SLC22A3: variants seen among roughly 807,000 people sequenced by gnomAD.
The protein encoded by SLC22A3 is solute carrier family 22 member 3, also known as EMT organic cation transporter 3.
In SLC22A3, 51 loss-of-function variants were observed where a neutral mutation model predicts 59.1. The observed-to-expected ratio is 0.86, with a 90% CI of 0.69 to 1.09. The LOEUF is 1.09. Among genes scored for constraint, SLC22A3 ranks in the 50% least tolerant of loss-of-function variants. The pLI is 0.00. For synonymous variants in SLC22A3, 325 were observed against 292.0 expected (o/e 1.11, Z -1.15); for missense variants, 711 against 726.3 (o/e 0.98, Z 0.24).
intron 2 of SLC22A3, among the ~76,000 whole-genome samples, chr6:160,401,058 A>G (rs1032372223): frequency 2.0e-5 from 3 of 151,574 alleles, no homozygotes; most frequent in Admixed American, 2.0e-4. Context: ...ATGTTCAATA[A>G]CTGTGGGACA....
At chr6:160,360,339 T>A (rs1784974263) in intron 1 of SLC22A3, among the ~76,000 whole-genome samples, 1 of 152,202 alleles carries the variant, frequency 6.6e-6, no homozygotes, top group East Asian at 1.9e-4. Context: ...GCTCCTGTAA[T>A]CCCAGCTACC....
Position 160,412,591 on chromosome 6 carries a change from T to C in SLC22A3, c.975+1745T>C, listed in dbSNP as rs184590145. Among the ~76,000 whole-genome samples, 735 of 152,350 alleles carry C rather than the reference T, an allele frequency of 4.8e-3. 8 individuals carry two copies. The highest frequency in any genetic ancestry group is 8.7e-3 in the Non-Finnish European group (589 of 68,028). The stretch of plus-strand genomic sequence containing the variant: ...TAAAATGTGTGGTAAAGATAAAGCA[T>C]GATCTTTTTAAACCACTATGATTAG... On this transcript the variant is annotated intron_variant, in intron 5 of 10. Transcript: ENST00000275300.
chr6:160,352,568 C>T (rs1040730862), intron 1 of SLC22A3, among the ~76,000 whole-genome samples: 1 of 152,178 alleles, frequency 6.6e-6, no homozygotes, highest in African/African-American at 2.4e-5. Flanking sequence ...TTCAGAACAC[C>T]TTTAAAAATA....
At chr6:160,428,615 T>C (rs1269155985) in intron 5 of SLC22A3, among the ~76,000 whole-genome samples, 1 of 152,230 alleles carries the variant, frequency 6.6e-6, no homozygotes, top group Non-Finnish European at 1.5e-5. Context: ...GTATTATAAA[T>C]TAATTTCCCC....
At position 160,443,216 on chromosome 6, in the gene SLC22A3, TTGAC is replaced by T. The variant is rs538992332; in HGVS notation, c.1397+350_1397+353del. ...CCTGCTGCAAGACTATGGCCTCTCT[TTGAC>T]TGCATTACATGCATTGCAGTGGTGA... On this transcript the variant is annotated intron_variant, in intron 8 of 10. Coordinates refer to ENST00000275300, the MANE Select transcript of SLC22A3 (RefSeq NM_021977.4). 2.0e-3 allele frequency among the ~76,000 whole-genome samples: 299 copies of T among 152,370 alleles called. 3 individuals carry two copies. The highest frequency in any genetic ancestry group is 3.4e-3 in the Non-Finnish European group (231 of 68,032).
At position 160,451,798 on chromosome 6, in the gene SLC22A3, C is replaced by T. The variant is rs868312923; in HGVS notation, c.*742C>T. On this transcript the variant is annotated 3_prime_UTR_variant, in exon 11 of 11. Coordinates refer to ENST00000275300, the MANE Select transcript of SLC22A3 (RefSeq NM_021977.4). ...GCTGTGGTTCTGAGATTATTTGGGA[C>T]ATTTTTGGCTCTCCTTTAGTGGACA... 1.3e-5 allele frequency: 2 copies of T among 152,220 alleles called. No individual in the cohort carries two copies. Among genetic ancestry groups the T allele is most frequent in the South Asian group, 4.1e-4 (2 of 4,834 alleles). 9.4% of individuals were successfully genotyped at this position (152,220 alleles called of 1,614,324 possible).
chr6:160,448,781 A>G (rs1364830984), intron 10 of SLC22A3, among the ~76,000 whole-genome samples: 1 of 152,194 alleles, frequency 6.6e-6, no homozygotes, highest in Non-Finnish European at 1.5e-5. Context: ...TGTGGACACA[A>G]ATGGGCTGGG....
At chr6:160,349,184 A>C in intron 1 of SLC22A3, 1 of 616,922 alleles carries the variant, frequency 1.6e-6, no homozygotes, top group Non-Finnish European at 2.0e-6. Context: ...CTTATCTTTG[A>C]GGTGTGCGGG....
intron 1 of SLC22A3, among the ~76,000 whole-genome samples, chr6:160,356,053 A>C (rs1450887841): frequency 2.6e-5 from 4 of 152,194 alleles, no homozygotes; most frequent in African/African-American, 4.8e-5. Context: ...ATGAAAGAGA[A>C]AGGGATTCCT....
chr6:160,445,298 C>T lies in SLC22A3; in HGVS notation c.1510+1556C>T, dbSNP rs561550892. ...TGGAAAGTTCAAAGCAAGAGGATGC[C>T]GCATCCTCAAGCACCTGGTGCTAGA... On this transcript the variant is annotated intron_variant, in intron 9 of 10. Transcript: ENST00000275300. Among the ~76,000 whole-genome samples the T allele has an allele frequency of 2.0e-3, 310 of 152,192 alleles. 2 individuals carry two copies. Among genetic ancestry groups the T allele is most frequent in the Non-Finnish European group, 3.7e-3 (251 of 68,002 alleles).
intron 1 of SLC22A3, among the ~76,000 whole-genome samples, chr6:160,387,132 C>T (rs1786052673): frequency 6.6e-6 from 1 of 152,240 alleles, no homozygotes; most frequent in Non-Finnish European, 1.5e-5. Context: ...TTGGTGGCAA[C>T]TGCCCGAGCA....
At chr6:160,353,647 C>T (rs1215176748) in intron 1 of SLC22A3, among the ~76,000 whole-genome samples, 2 of 151,738 alleles carry the variant, frequency 1.3e-5, no homozygotes, top group African/African-American at 4.8e-5. Context: ...TTCTCTGCAC[C>T]CATTTATTTT....
intron 1 of SLC22A3, among the ~76,000 whole-genome samples, chr6:160,374,008 G>A (rs1785498889): frequency 6.6e-6 from 1 of 152,166 alleles, no homozygotes; most frequent in African/African-American, 2.4e-5. Context: ...CCTTTCCAGG[G>A]GAGAGAACAG....
At chr6:160,385,280 C>T (rs960091246) in intron 1 of SLC22A3, among the ~76,000 whole-genome samples, 1 of 152,234 alleles carries the variant, frequency 6.6e-6, no homozygotes, top group Non-Finnish European at 1.5e-5. Flanking sequence ...AGCATCTTCT[C>T]TTCATATCTG....
intron 1 of SLC22A3, among the ~76,000 whole-genome samples, chr6:160,379,750 A>G (rs1346798299): frequency 6.6e-6 from 1 of 152,106 alleles, no homozygotes; most frequent in Non-Finnish European, 1.5e-5. Context: ...TTCATTTCTT[A>G]CCTGTGCTCA....
At chr6:160,390,847 G>A (rs1786227311) in intron 1 of SLC22A3, among the ~76,000 whole-genome samples, 1 of 152,136 alleles carries the variant, frequency 6.6e-6, no homozygotes, top group Admixed American at 6.5e-5. Context: ...CCTGGTTCTG[G>A]AGGCCAGAAG....
At chr6:160,365,778 A>G (rs1785183100) in intron 1 of SLC22A3, among the ~76,000 whole-genome samples, 1 of 152,178 alleles carries the variant, frequency 6.6e-6, no homozygotes, top group Non-Finnish European at 1.5e-5. Flanking sequence ...TTATAAAGGA[A>G]AGAGGTTTAA....
At chr6:160,362,444 G>A (rs374221686) in intron 1 of SLC22A3, among the ~76,000 whole-genome samples, 6 of 152,212 alleles carry the variant, frequency 3.9e-5, no homozygotes, top group African/African-American at 1.4e-4. Context: ...ATGGGTAGGC[G>A]CAGGCCTGCC....
At chr6:160,362,557 G>T (rs1785049702) in intron 1 of SLC22A3, among the ~76,000 whole-genome samples, 1 of 152,222 alleles carries the variant, frequency 6.6e-6, no homozygotes, top group Admixed American at 6.5e-5. Flanking sequence ...GGAAGCAGAG[G>T]CTGAAGCGAG....
Sources: allele counts gnomAD v4.1 joint callset (sites outside exome capture counted in the v4.1 genomes callset), GRCh38; gene constraint gnomAD v4.1.1; transcripts MANE v1.5; gene names NCBI Gene and HGNC (gene_info 2026-07-23, HGNC 2026-07-21).